ADCY4: variants seen among roughly 807,000 people sequenced by gnomAD.
ADCY4 encodes the protein adenylate cyclase type 4.
A neutral mutation model predicts 125.5 loss-of-function variants in ADCY4; 111 were observed. The observed-to-expected ratio is 0.88, with a 90% CI of 0.76 to 1.04. The LOEUF (loss-of-function observed/expected upper bound fraction) is 1.04. Ranked by LOEUF, ADCY4 falls within the 50% of genes least tolerant of loss-of-function variation. ADCY4 has a pLI of 0.00. For missense variants in ADCY4, 1,256 were observed against 1,382.9 expected (o/e 0.91, Z 1.46); for synonymous variants, 576 against 586.9 (o/e 0.98, Z 0.27).
At chr14:24,321,406 C>G (rs146817861) in intron 20 of ADCY4, among the ~76,000 whole-genome samples, 1 of 150,026 alleles carries the variant, frequency 6.7e-6, no homozygotes, top group Non-Finnish European at 1.5e-5. Flanking sequence ...GCCTGAGCGA[C>G]GAGAGTGAAA....
In ADCY4 at chr14:24,324,410, G is replaced by A. The variant is rs1427660049; in HGVS notation, c.1824-19C>T. 32 of 1,604,426 alleles carry A rather than the reference G, an allele frequency of 2.0e-5. No individual in the cohort carries two copies. The highest frequency in any genetic ancestry group is 3.3e-5 in the Admixed American group (2 of 59,988). On this transcript the variant is annotated intron_variant, in intron 14 of 24. Coordinates refer to ENST00000418030, the MANE Select transcript of ADCY4 (RefSeq NM_001198568.2). Reference sequence around the variant, plus strand: ...TGGGGGCCTGAAGGGAGACAAAAGCGAGGCCTTGAAGTGCCAGAACAGGCT... The same window carrying A: ...TGGGGGCCTGAAGGGAGACAAAAGCAAGGCCTTGAAGTGCCAGAACAGGCT...
intron 8 of ADCY4, 59 bp downstream of exon 8, chr14:24,329,801 C>A: frequency 6.3e-7 from 1 of 1,577,046 alleles, no homozygotes; most frequent in Non-Finnish European, 8.6e-7. Context: ...GAAAGGATGG[C>A]AGCCTGTGGT....
At chr14:24,324,897 T>C (rs1286093972) in intron 14 of ADCY4, among the ~76,000 whole-genome samples, 1 of 151,986 alleles carries the variant, frequency 6.6e-6, no homozygotes, top group Non-Finnish European at 1.5e-5. Flanking sequence ...AGAGATGGGG[T>C]TTCACCATGT....
Position 24,318,394 on chromosome 14 carries a change from T to A in ADCY4, c.*22A>T. On this transcript the variant is annotated 3_prime_UTR_variant, in exon 25 of 25. Coordinates refer to ENST00000418030, the MANE Select transcript of ADCY4 (RefSeq NM_001198568.2). ...ACACCCCAGAGTCTCTTTATTGAGG[T>A]TCTTAGAAGGCGAGTGCAATCTCAG... 1 of 1,611,776 alleles carries A rather than the reference T, an allele frequency of 6.2e-7. No homozygotes were observed. The highest frequency in any genetic ancestry group is 8.5e-7 in the Non-Finnish European group (1 of 1,178,628).
Position 24,323,020 on chromosome 14 carries a change from C to A in ADCY4, c.2226G>T (p.Leu742=). The A allele has an allele frequency of 6.2e-7, 1 of 1,614,162 alleles. No individual in the cohort carries two copies. The highest frequency in any genetic ancestry group is 1.7e-5 in the Admixed American group (1 of 60,030). Residue 742 remains leucine (L), a synonymous_variant, in exon 18 of 25, where the codon CTG becomes CTT. Transcript: ENST00000418030. ...GCCACAGCAGGAGCAGCAGCAGCTT[C>A]AGCTCGAAGCTCATGTGCAGAAAGA... ...CSLFLHMSFE[L]KLLLLLLWLA...
Position 24,319,129 on chromosome 14 carries a change from C to G in ADCY4, c.2925G>C (p.Lys975Asn). 6.2e-7 allele frequency: 1 copy of G among 1,614,030 alleles called. No homozygotes were observed. The highest frequency in any genetic ancestry group is 8.5e-7 in the Non-Finnish European group (1 of 1,180,000). ...GCAGGCGGAAGTTGTTGAATGAATG[C>G]TTGTTGATGACGTCCAGCTTAGACC... ...ALGSKLDVINKHSFNNFRLRV... is the reference protein window; with the variant it reads ...ALGSKLDVINNHSFNNFRLRV... The change falls in exon 23 of 25, where the codon AAG becomes AAC. Residue 975 changes from lysine (K) to asparagine (N), a missense_variant. Transcript: ENST00000418030. The surrounding 1 kb of genome is among the most constrained non-coding windows in gnomAD (Gnocchi z 4.5).
rs781537960 is a variant in ADCY4, at chr14:24,325,409, G to A, written c.1791C>T (p.Ser597=). 1 of 1,613,638 alleles carries A rather than the reference G, an allele frequency of 6.2e-7. No individual in the cohort carries two copies. The highest frequency in any genetic ancestry group is 8.5e-7 in the Non-Finnish European group (1 of 1,179,972). The part of the protein sequence containing the change: ...YEACTFLVFL[S]NFIIQMLVTN... ...TCACTAGCATCTGGATGATGAAGTT[G>A]GAGAGAAAAACCAGGAAGGTGCAGG... Residue 597 remains serine, a synonymous_variant, in exon 14 of 25, where the codon TCC becomes TCT. Coordinates refer to ENST00000418030, the MANE Select transcript of ADCY4 (RefSeq NM_001198568.2).
Position 24,324,273 on chromosome 14 carries a change from C to T in ADCY4, c.1908+34G>A, listed in dbSNP as rs200989234. 526 of 1,613,870 alleles carry T rather than the reference C, an allele frequency of 3.3e-4. 5 individuals are homozygous for T. Among genetic ancestry groups the T allele is most frequent in the Middle Eastern group, 3.3e-4 (2 of 6,062 alleles). On this transcript the variant is annotated intron_variant, in intron 15 of 24. Coordinates refer to ENST00000418030, the MANE Select transcript of ADCY4 (RefSeq NM_001198568.2). Reference sequence around the variant, plus strand: ...TCAGGACAGGTTGTGACCAGGGCTCCGGCATACCACTTCCACCCCTCAGCC... The same window carrying T: ...TCAGGACAGGTTGTGACCAGGGCTCTGGCATACCACTTCCACCCCTCAGCC...
chr14:24,326,545 CCT>C (rs982035712), intron 10 of ADCY4: 46 of 607,578 alleles, frequency 7.6e-5, no homozygotes, highest in African/African-American at 6.5e-4. Flanking sequence ...AAAGTTTCCC[CCT>C]GACTCTCTAG....
rs1406679166 is a variant in ADCY4 at position 24,323,587 on chromosome 14, T to A, written c.2047-133A>T. The A allele has an allele frequency of 3.4e-6, 5 of 1,463,398 alleles. No individual in the cohort carries two copies. In the African/African-American group the frequency reaches 7.1e-5, roughly 21 times the overall value. 90.7% of individuals were successfully genotyped at this position (1,463,398 alleles called of 1,614,324 possible). On this transcript the variant is annotated intron_variant, in intron 16 of 24. Coordinates refer to ENST00000418030, the MANE Select transcript of ADCY4 (RefSeq NM_001198568.2). ...AAGGGGTGGATCCTGCTATTTCTGGTTGGGAAGGGAACCTCAGCACTGGGG... is the reference window on the plus strand; with the variant it reads ...AAGGGGTGGATCCTGCTATTTCTGGATGGGAAGGGAACCTCAGCACTGGGG...
Position 24,334,872 on chromosome 14 carries a change from T to G in ADCY4, c.-220A>C. 1.9e-6 allele frequency: 1 copy of G among 525,070 alleles called. No homozygotes were observed. The highest frequency in any genetic ancestry group is 3.3e-6 in the Non-Finnish European group (1 of 298,890). 32.5% of individuals were successfully genotyped at this position (525,070 alleles called of 1,614,324 possible). A position where few individuals can be genotyped will look rare whatever the true frequency, so the allele number is the denominator to read the frequency against. On this transcript the variant is annotated 5_prime_UTR_variant, in exon 1 of 25. Coordinates refer to ENST00000418030, the MANE Select transcript of ADCY4 (RefSeq NM_001198568.2). ...AGGGGATCCCTCAGTCCTTTCCTCC[T>G]CCTCCCTCAAACCCGGATTGTAGAG...
In ADCY4 at chr14:24,318,373, C is replaced by T. The variant is rs945063722; in HGVS notation, c.*43G>A. On this transcript the variant is annotated 3_prime_UTR_variant, in exon 25 of 25. Coordinates refer to ENST00000418030, the MANE Select transcript of ADCY4 (RefSeq NM_001198568.2). ...TCAGACATCAATGGGCTCCAGACAC[C>T]CCAGAGTCTCTTTATTGAGGTTCTT... The T allele has an allele frequency of 6.2e-6, 10 of 1,601,242 alleles. No individual in the cohort carries two copies. The highest frequency in any genetic ancestry group is 8.5e-6 in the Non-Finnish European group (10 of 1,172,214).
Position 24,334,720 on chromosome 14 carries a change from G to A in ADCY4, c.-68C>T. ...GCCGGGTTACCTCCTTCGGCCCGGC[G>A]GGCCCCACCTGAGCTTTTCTCACCC... is the stretch of plus-strand genomic sequence containing the variant. On this transcript the variant is annotated 5_prime_UTR_variant, in exon 1 of 25. Coordinates refer to ENST00000418030, the MANE Select transcript of ADCY4 (RefSeq NM_001198568.2). 2 of 1,318,734 alleles carry A rather than the reference G, an allele frequency of 1.5e-6. No homozygotes were observed. The highest frequency in any genetic ancestry group is 1.5e-5 in the African/African-American group (1 of 66,122). 81.7% of individuals were successfully genotyped at this position (1,318,734 alleles called of 1,614,324 possible).
rs375898010 is a variant in ADCY4, at chr14:24,318,428, A to G, written c.3222T>C (p.Ala1074=). The G allele has an allele frequency of 1.9e-6, 3 of 1,614,090 alleles. No individual in the cohort carries two copies. Among genetic ancestry groups the G allele is most frequent in the Non-Finnish European group, 2.5e-6 (3 of 1,179,956 alleles). Residue 1074 remains alanine, a synonymous_variant, in exon 25 of 25, where the codon GCT becomes GCC. Transcript: ENST00000418030. The stretch of plus-strand genomic sequence containing the variant: ...GGCGAGTGCAATCTCAGCCTAGGGT[A>G]GCTGAAGGAGGTCCAGTTCGTGTCA... ...TDLTRTGPPS[A]TLG
intron 4 of ADCY4, 159 bp from the exon 5 acceptor site, chr14:24,331,515 C>T (rs1374750661): frequency 3.9e-6 from 4 of 1,014,538 alleles, no homozygotes; most frequent in Non-Finnish European, 5.6e-6. Flanking sequence ...AGCACTCCAT[C>T]CTACACTGAT....
chr14:24,334,483 G>A lies in ADCY4; in HGVS notation c.159+11C>T. 1 of 1,574,520 alleles carries A rather than the reference G, an allele frequency of 6.4e-7. No homozygotes were observed. On this transcript the variant is annotated intron_variant, in intron 1 of 24. Coordinates refer to ENST00000418030, the MANE Select transcript of ADCY4 (RefSeq NM_001198568.2). ...AGGTAGAGACCCTCCCGCAGCAGAG[G>A]CTCGGCTCACCCTGCCGCTGGCCCA...
intron 14 of ADCY4, 112 bp downstream of exon 14, chr14:24,325,265 A>C: frequency 1.2e-6 from 1 of 800,632 alleles, no homozygotes; most frequent in Non-Finnish European, 2.1e-6. Context: ...TCTGTGGGTA[A>C]GTGCCTGAAG....
In ADCY4 at chr14:24,330,199, G is replaced by T. The variant is rs140776899; in HGVS notation, c.1027C>A (p.Arg343Ser). Residue 343 changes from arginine (R) to serine (S), a missense_variant, in exon 7 of 25, where the codon CGC becomes AGC. Coordinates refer to ENST00000418030, the MANE Select transcript of ADCY4 (RefSeq NM_001198568.2). The part of the protein sequence containing the change: ...SLPDHAINCV[R>S]MGLDMCRAIR... Reference sequence around the variant, plus strand: ...GCCCGGCACATGTCCAGGCCCATGCGCACGCAGTTGATGGCATGGTCTGGC... The same window carrying T: ...GCCCGGCACATGTCCAGGCCCATGCTCACGCAGTTGATGGCATGGTCTGGC... 15 of 1,614,160 alleles carry T rather than the reference G, an allele frequency of 9.3e-6. No homozygotes were observed. In the South Asian group the frequency reaches 1.4e-4, roughly 15 times the overall value.
chr14:24,328,239 G>GC (rs1319877941), intron 10 of ADCY4, among the ~76,000 whole-genome samples: 1 of 140,932 alleles, frequency 7.1e-6, no homozygotes, highest in African/African-American at 2.7e-5. Flanking sequence ...GGTGGGGGGG[G>GC]GGGTCTCCCT....
Sources: allele counts gnomAD v4.1 joint callset (sites outside exome capture counted in the v4.1 genomes callset), GRCh38; gene constraint gnomAD v4.1.1; non-coding constraint Gnocchi (gnomAD v3.1); transcripts MANE v1.5; gene names NCBI Gene and HGNC (gene_info 2026-07-23, HGNC 2026-07-21).